Variants in ARHGEF16 observed in about 807,000 individuals in gnomAD.
ARHGEF16 encodes Rho guanine exchange factor (GEF) 16.
ARHGEF16 carries 59 observed loss-of-function variants against 74.1 expected under a neutral mutation model. The ratio of observed to expected loss-of-function variants is 0.80; its 90% CI spans 0.65 to 0.99. The LOEUF (loss-of-function observed/expected upper bound fraction) is 0.99. Among genes scored for constraint, ARHGEF16 ranks in the 50% least tolerant of loss-of-function variants. The pLI, the probability that ARHGEF16 is intolerant of heterozygous loss-of-function variation, is 0.00. For synonymous variants in ARHGEF16, 415 were observed against 412.6 expected, an observed-to-expected ratio of 1.01 and a Z score of -0.07; for missense variants, 948 against 986.6, an observed-to-expected ratio of 0.96 and a Z score of 0.52.
chr1:3,473,599 CA>C, intron 8 of ARHGEF16, 77 bp downstream of exon 8: 1 of 1,586,158 alleles, frequency 6.3e-7, no homozygotes, highest in Non-Finnish European at 8.6e-7. Flanking sequence ...CCGGATGGAG[CA>C]TTACGTGCTT....
chr1:3,464,925 C>T (rs11578350), intron 2 of ARHGEF16, among the ~76,000 whole-genome samples: 7,377 of 152,264 alleles, frequency 0.048, 608 homozygotes, highest in African/African-American at 0.17. Flanking sequence ...GTCCCATGGG[C>T]GTCCACTGCA....
At chr1:3,461,389 G>A (rs548112010) in intron 1 of ARHGEF16, among the ~76,000 whole-genome samples, 1 of 152,336 alleles carries the variant, frequency 6.6e-6, no homozygotes, top group Admixed American at 6.5e-5. Flanking sequence ...CAGGAGGTGG[G>A]CCTTGCTCTT....
chr1:3,465,664 G>A (rs1257858205), intron 2 of ARHGEF16, among the ~76,000 whole-genome samples: 2 of 152,168 alleles, frequency 1.3e-5, no homozygotes, highest in Non-Finnish European at 2.9e-5. Flanking sequence ...TCCGAGTCGG[G>A]CACCTGAGCG....
Position 3,463,255 on chromosome 1 carries a change from C to G in ARHGEF16, c.171C>G (p.Pro57=). 1 of 1,549,120 alleles carries G rather than the reference C, an allele frequency of 6.5e-7. No individual in the cohort carries two copies. Among genetic ancestry groups the G allele is most frequent in the Non-Finnish European group, 8.7e-7 (1 of 1,146,142 alleles). ...DAAFQPQVPA[P]PQPRPPGHEE... is the part of the protein sequence containing the mutation. ...CCTTCCAGCCCCAGGTCCCGGCACC[C>G]CCACAGCCTCGGCCCCCGGGGCACG... is the stretch of plus-strand genomic sequence containing the variant. The change falls in exon 2 of 15, where the codon CCC becomes CCG. Residue 57 remains proline (P), a synonymous_variant. Transcript: ENST00000378378.
intron 6 of ARHGEF16, among the ~76,000 whole-genome samples, chr1:3,472,396 G>C (rs1327933320): frequency 3.9e-5 from 6 of 152,238 alleles, no homozygotes; most frequent in Admixed American, 1.3e-4. Flanking sequence ...GGAGGTGAGG[G>C]GCTGGTAGCC....
At chr1:3,459,144 G>A (rs557860301) in intron 1 of ARHGEF16, among the ~76,000 whole-genome samples, 12 of 152,254 alleles carry the variant, frequency 7.9e-5, no homozygotes, top group South Asian at 2.1e-4. Context: ...TGGACCCTAC[G>A]GGGGCACATC....
intron 10 of ARHGEF16, among the ~76,000 whole-genome samples, chr1:3,476,594 T>C (rs1282978893): frequency 6.6e-6 from 1 of 151,972 alleles, no homozygotes; most frequent in Non-Finnish European, 1.5e-5. Flanking sequence ...GCAGGGCTCA[T>C]ACCTCTCCCT....
At chr1:3,472,052 G>A (rs373406424) in intron 6 of ARHGEF16, among the ~76,000 whole-genome samples, 14 of 152,292 alleles carry the variant, frequency 9.2e-5, no homozygotes, top group East Asian at 3.9e-4. Flanking sequence ...AGGCCCAGTC[G>A]GGCCCCGTGA....
chr1:3,469,457 G>A lies in ARHGEF16; in HGVS notation c.886G>A (p.Glu296Lys), dbSNP rs1336152191. 1 of 1,613,010 alleles carries A rather than the reference G, an allele frequency of 6.2e-7. No individual in the cohort carries two copies. Among genetic ancestry groups the A allele is most frequent in the South Asian group, 1.1e-5 (1 of 91,078 alleles). The change falls in exon 6 of 15, where the codon GAG becomes AAG. Residue 296 changes from glutamate (E) to lysine (K), a missense_variant. Transcript: ENST00000378378. ...GGCCATGTTCGAGATCCTCACGTCG[G>A]AGTTCTCCTACCAGCACAGCCTGAG... is the stretch of plus-strand genomic sequence containing the variant. ...QEAMFEILTSEFSYQHSLSIL... is the reference protein window; with the variant it reads ...QEAMFEILTSKFSYQHSLSIL...
In ARHGEF16 at chr1:3,463,512, G is replaced by A. The variant is rs1017579615; in HGVS notation, c.428G>A (p.Gly143Asp). Reference protein sequence around the residue: ...DDMDVDKDPGGMLRRNLRNQS... With the variant: ...DDMDVDKDPGDMLRRNLRNQS... The stretch of plus-strand genomic sequence containing the variant: ...ATGGACGTGGACAAGGACCCCGGGG[G>A]CATGCTGAGGCGGAACCTGCGGAAC... The change falls in exon 2 of 15, where the codon GGC becomes GAC. Residue 143 changes from glycine to aspartate, a missense_variant. Gly to Asp is a moderately conservative substitution (Grantham distance 94). Coordinates refer to ENST00000378378, the MANE Select transcript of ARHGEF16 (RefSeq NM_014448.4). 33 of 1,486,824 alleles carry A rather than the reference G, an allele frequency of 2.2e-5. No homozygotes were observed. The highest frequency in any genetic ancestry group is 3.0e-5 in the Non-Finnish European group (33 of 1,115,582). The allele number at this position is 1,486,824 out of a possible 1,614,324, so 92.1% of individuals were successfully genotyped here.
intron 14 of ARHGEF16, 45 bp downstream of exon 14, chr1:3,479,958 C>T (rs573868296): frequency 1.8e-5 from 28 of 1,586,022 alleles, no homozygotes; most frequent in South Asian, 1.3e-4. Context: ...AACGGACAGG[C>T]GGGCGTGAGT....
In ARHGEF16 at chr1:3,458,686, A is replaced by G. The variant is rs541553664; in HGVS notation, c.-20+3875A>G. ...ACCACCAGCAGCAGATGTTTGAGGA[A>G]AGCCCTGTGCCTGAGAGACAGAGGC... On this transcript the variant is annotated intron_variant, in intron 1 of 14. Transcript: ENST00000378378. Among the ~76,000 whole-genome samples the G allele has an allele frequency of 2.0e-5, 3 of 152,348 alleles. No individual in the cohort carries two copies. The East Asian group carries it at 5.8e-4, about 29-fold the overall frequency.
intron 6 of ARHGEF16, among the ~76,000 whole-genome samples, chr1:3,469,970 T>C (rs1639660892): frequency 1.3e-5 from 2 of 152,192 alleles, no homozygotes; most frequent in African/African-American, 4.8e-5. Context: ...AAGCCTCGAG[T>C]TGCAGCTCTG....
rs533173430 is a variant in ARHGEF16 at position 3,480,380 on chromosome 1, G to A, written c.1991-68G>A. 14 of 1,590,952 alleles carry A rather than the reference G, an allele frequency of 8.8e-6. No individual in the cohort carries two copies. The African/African-American group carries it at 1.9e-4, about 21-fold the overall frequency. On this transcript the variant is annotated intron_variant, in intron 14 of 14. Coordinates refer to ENST00000378378, the MANE Select transcript of ARHGEF16 (RefSeq NM_014448.4). ...CCTGGCCCTGGTGTGCTCAGGCATAGCAGCTCAGAGGGGCCGGGGGACCCA... is the reference window on the plus strand; with the variant it reads ...CCTGGCCCTGGTGTGCTCAGGCATAACAGCTCAGAGGGGCCGGGGGACCCA...
chr1:3,478,393 A>G (rs1173496451), intron 11 of ARHGEF16, 31 bp from the exon 12 acceptor site: 1 of 1,562,968 alleles, frequency 6.4e-7, no homozygotes, highest in South Asian at 1.2e-5. Flanking sequence ...GCTGGGTGGG[A>G]CCGTCCCACC....
At chr1:3,460,265 G>T (rs115067715) in intron 1 of ARHGEF16, among the ~76,000 whole-genome samples, 1,551 of 152,274 alleles carry the variant, frequency 0.01, 32 homozygotes, top group African/African-American at 0.034. Context: ...TTCTGGCAGT[G>T]GAGCAGACTT....
chr1:3,459,107 C>T (rs2100730980), intron 1 of ARHGEF16, among the ~76,000 whole-genome samples: 1 of 152,332 alleles, frequency 6.6e-6, no homozygotes, highest in East Asian at 1.9e-4. Flanking sequence ...CAGGGTTCCA[C>T]CCAGTGCCTG....
At position 3,477,747 on chromosome 1, in the gene ARHGEF16, C is replaced by G. The variant is rs1158340468; in HGVS notation, c.1474-128C>G. The G allele has an allele frequency of 3.6e-6, 3 of 842,612 alleles. No individual in the cohort carries two copies. In the East Asian group the frequency reaches 7.8e-5, roughly 22 times the overall value. The allele number at this position is 842,612 out of a possible 1,614,324, so 52.2% of individuals were successfully genotyped here. ...GACTGAGGGCAGCCAGCTGGTCACC[C>G]AGTCCAGAGGCAGGAGTCAGTCCCA... On this transcript the variant is annotated intron_variant, in intron 10 of 14. Coordinates refer to ENST00000378378, the MANE Select transcript of ARHGEF16 (RefSeq NM_014448.4).
intron 8 of ARHGEF16, chr1:3,473,765 C>T: frequency 1.5e-6 from 1 of 655,996 alleles, no homozygotes; most frequent in South Asian, 1.9e-5. Context: ...TTCACTTACT[C>T]AATGGTTCAT....
Sources: gnomAD v4.1 joint callset for allele counts (sites outside exome capture counted in the v4.1 genomes callset) on GRCh38, gnomAD v4.1.1 for gene constraint, MANE v1.5 for transcripts, NCBI Gene and HGNC (gene_info 2026-07-23, HGNC 2026-07-21) for gene names.